Variants in RABGAP1L observed in about 807,000 individuals in gnomAD.
The protein encoded by RABGAP1L is rab GTPase-activating protein 1-like.
In RABGAP1L, 63 loss-of-function variants were observed where a neutral mutation model predicts 137.7. The observed-to-expected ratio is 0.46, with a 90% CI of 0.37 to 0.56. The LOEUF (loss-of-function observed/expected upper bound fraction) is 0.56. Among genes scored for constraint, RABGAP1L ranks in the 20% least tolerant of loss-of-function variants. The pLI is 0.00. For synonymous variants in RABGAP1L, 431 were observed against 433.7 expected (o/e 0.99, Z 0.08); for missense variants, 1,095 against 1,244.0 (o/e 0.88, Z 1.80).
At chr1:174,616,586 G>A (rs892307839) in intron 13 of RABGAP1L, among the ~76,000 whole-genome samples, 5 of 152,170 alleles carry the variant, frequency 3.3e-5, no homozygotes, top group Non-Finnish European at 5.9e-5. Flanking sequence ...AAATAGCAGA[G>A]TGAAAGCCTA....
At chr1:174,702,361 A>C in intron 17 of RABGAP1L, 105 bp downstream of exon 17, 2 of 915,424 alleles carry the variant, frequency 2.2e-6, no homozygotes, top group Middle Eastern at 2.5e-4. Context: ...TTAAGCCATA[A>C]ATACTCACTG....
At chr1:174,757,126 C>G in intron 18 of RABGAP1L, 1 of 463,190 alleles carries the variant, frequency 2.2e-6, no homozygotes, top group South Asian at 1.6e-5. Flanking sequence ...TAATCTTGTT[C>G]AGGTTTAATT....
chr1:174,819,321 G>A (rs930651520), intron 19 of RABGAP1L, among the ~76,000 whole-genome samples: 3 of 151,830 alleles, frequency 2.0e-5, no homozygotes, highest in East Asian at 3.9e-4. Flanking sequence ...TGGAGGATGG[G>A]AAAGATGAGT....
intron 19 of RABGAP1L, among the ~76,000 whole-genome samples, chr1:174,906,322 A>G (rs1440782533): frequency 2.6e-5 from 4 of 152,126 alleles, no homozygotes; most frequent in South Asian, 2.1e-4. Context: ...CTAGCCTAGA[A>G]AGCTTATTCA....
intron 1 of RABGAP1L, among the ~76,000 whole-genome samples, chr1:174,167,479 A>G (rs1444804594): frequency 6.6e-6 from 1 of 152,256 alleles, no homozygotes; most frequent in Non-Finnish European, 1.5e-5. Flanking sequence ...GGTTGAAAAC[A>G]AGTGTTCTAG....
rs1410303462 is a variant in RABGAP1L, at chr1:174,991,729, CTG to C, written c.*1732_*1733del. On this transcript the variant is annotated 3_prime_UTR_variant, in exon 26 of 26. Coordinates refer to ENST00000681986, the MANE Select transcript of RABGAP1L (RefSeq NM_001366446.1). ...GAACATAACCCAGCATTCCAAGTGT[CTG>C]TGTTGGCTTTAACATTCTCTACATG... 1 of 150,532 alleles carries C rather than the reference CTG, an allele frequency of 6.6e-6. No individual in the cohort carries two copies. The highest frequency in any genetic ancestry group is 1.9e-4 in the East Asian group (1 of 5,160). The allele number at this position is 150,532 out of a possible 1,614,324, so 9.3% of individuals were successfully genotyped here.
chr1:174,469,655 C>T (rs577230390), intron 13 of RABGAP1L, among the ~76,000 whole-genome samples: 1 of 152,280 alleles, frequency 6.6e-6, no homozygotes, highest in South Asian at 2.1e-4. Context: ...TCACTATAAG[C>T]TCTCTGCCCA....
intron 19 of RABGAP1L, among the ~76,000 whole-genome samples, chr1:174,907,076 TAA>T (rs34716998): frequency 2.7e-5 from 4 of 147,742 alleles, no homozygotes; most frequent in Admixed American, 6.8e-5. Context: ...ACTAATGGGT[TAA>T]AAAAAAAAAG....
chr1:174,697,673 T>A (rs1017724013), intron 15 of RABGAP1L, among the ~76,000 whole-genome samples: 1 of 152,152 alleles, frequency 6.6e-6, no homozygotes, highest in African/African-American at 2.4e-5. Context: ...AGTAGAGATC[T>A]GAGAGGAAGA....
intron 18 of RABGAP1L, among the ~76,000 whole-genome samples, chr1:174,804,588 C>T (rs988425702): frequency 5.9e-5 from 9 of 152,158 alleles, no homozygotes; most frequent in Admixed American, 5.9e-4. Flanking sequence ...GTTGGGATTA[C>T]AGGTGTGAAC....
At chr1:174,649,975 A>T (rs2148385322) in intron 14 of RABGAP1L, among the ~76,000 whole-genome samples, 1 of 152,276 alleles carries the variant, frequency 6.6e-6, no homozygotes, top group East Asian at 1.9e-4. Context: ...TGGGTGTGTC[A>T]TAGATAGCTC....
intron 19 of RABGAP1L, among the ~76,000 whole-genome samples, chr1:174,860,092 C>T (rs1650036804): frequency 1.3e-5 from 2 of 150,604 alleles, no homozygotes; most frequent in South Asian, 4.2e-4. Flanking sequence ...TCCTTCATGA[C>T]AAAATTCATC....
intron 1 of RABGAP1L, among the ~76,000 whole-genome samples, chr1:174,208,239 C>T (rs905912120): frequency 1.3e-5 from 2 of 151,746 alleles, no homozygotes; most frequent in Non-Finnish European, 2.9e-5. Context: ...TCCAACCTTA[C>T]TGTACTTGCT....
intron 13 of RABGAP1L, among the ~76,000 whole-genome samples, chr1:174,446,637 T>A (rs758463963): frequency 1.1e-4 from 16 of 152,198 alleles, no homozygotes; most frequent in Non-Finnish European, 2.2e-4. Flanking sequence ...TCTTGATACT[T>A]TAGAGGTATT....
At chr1:174,270,806 A>G (rs2148658542) in intron 7 of RABGAP1L, among the ~76,000 whole-genome samples, 1 of 152,134 alleles carries the variant, frequency 6.6e-6, no homozygotes, top group South Asian at 2.1e-4. Context: ...TGTAATTTAA[A>G]CCCTATAATA....
chr1:174,668,737 AG>A (rs1375211890), intron 14 of RABGAP1L, among the ~76,000 whole-genome samples: 1 of 152,122 alleles, frequency 6.6e-6, no homozygotes, highest in Non-Finnish European at 1.5e-5. Context: ...ACAACGTGCA[AG>A]GGTTTCTTTT....
chr1:174,196,766 T>G (rs1031022507), intron 1 of RABGAP1L, among the ~76,000 whole-genome samples: 2 of 152,170 alleles, frequency 1.3e-5, no homozygotes, highest in African/African-American at 4.8e-5. Flanking sequence ...ATAAACATGT[T>G]TTCCTGTATC....
chr1:174,637,500 T>G lies in RABGAP1L; in HGVS notation c.1824+12T>G. ...ATAAGATCTGCAAGGTAGGACTCTC[T>G]TCCTCACTTTTTCTAAATTATTTTA... On this transcript the variant is annotated intron_variant, in intron 14 of 25. Transcript: ENST00000681986. 18 of 1,528,124 alleles carry G rather than the reference T, an allele frequency of 1.2e-5. No homozygotes were observed. The highest frequency in any genetic ancestry group is 1.5e-5 in the Non-Finnish European group (17 of 1,106,836). The allele number at this position is 1,528,124 out of a possible 1,614,324, so 94.7% of individuals were successfully genotyped here.
intron 17 of RABGAP1L, among the ~76,000 whole-genome samples, chr1:174,725,999 T>TATATTTAATTTTTAAATTA (rs936141730): frequency 6.6e-6 from 1 of 151,772 alleles, no homozygotes; most frequent in Non-Finnish European, 1.5e-5. Context: ...TAAAAATAAA[T>TATATTTAATTTTTAAATTA]ATATTTAAAA....
Sources: gnomAD v4.1 joint callset for allele counts (sites outside exome capture counted in the v4.1 genomes callset) on GRCh38, gnomAD v4.1.1 for gene constraint, MANE v1.5 for transcripts, NCBI Gene and HGNC (gene_info 2026-07-23, HGNC 2026-07-21) for gene names.